Variants in TMEM164 observed in about 807,000 individuals in gnomAD.
The protein encoded by TMEM164 is transmembrane protein 164.
Under a neutral mutation model 18.8 loss-of-function variants are expected in TMEM164, and 4 were observed. That is an observed-to-expected ratio of 0.21 (90% CI 0.10 to 0.49). The LOEUF is 0.49. Among genes scored for constraint, TMEM164 ranks in the 20% least tolerant of loss-of-function variants. TMEM164 has a pLI of 0.98. For missense variants in TMEM164, 108 were observed against 239.9 expected, an observed-to-expected ratio of 0.45 and a Z score of 3.63; for synonymous variants, 86 against 101.7, an observed-to-expected ratio of 0.85 and a Z score of 0.93.
chrX:110,183,349 A>G (rs2067330313), downstream of TMEM164, among the ~76,000 whole-genome samples: 2 of 112,640 alleles, frequency 1.8e-5, no homozygotes, highest in South Asian at 7.3e-4. Flanking sequence ...TTCAGAGCTA[A>G]AGAGAGATAG....
rs752757692 is a variant in TMEM164 at position 110,042,983 on chromosome X, A to C, written c.391-24364A>C. On this transcript the variant is annotated intron_variant, in intron 2 of 6. Coordinates refer to ENST00000372068, the MANE Select transcript of TMEM164 (RefSeq NM_032227.4). ...TGTATTCTCAATTAGGGGTCTTCAG[A>C]TGTTAACAATGGTGTGTGGTAAATG... Among the ~76,000 whole-genome samples, 8 of 112,625 alleles carry C rather than the reference A, an allele frequency of 7.1e-5. No individual in the cohort carries two copies. The South Asian group carries it at 2.9e-3, about 41-fold the overall frequency.
chrX:110,182,162 G>T (rs2067326286), downstream of TMEM164: 1 of 111,566 alleles, frequency 9.0e-6, no homozygotes, highest in Non-Finnish European at 1.9e-5. Context: ...TAGAGTCAAT[G>T]AAATACTGTA....
chrX:110,108,328 C>G (rs1027913058), intron 3 of TMEM164, among the ~76,000 whole-genome samples: 1 of 110,788 alleles, frequency 9.0e-6, no homozygotes, highest in Non-Finnish European at 1.9e-5. Context: ...CCCTCACAAG[C>G]AGGGTTTGTT....
chrX:110,060,266 G>GAAAAAAAAAAAAAA (rs140796343), intron 2 of TMEM164, among the ~76,000 whole-genome samples: 34 of 51,333 alleles, frequency 6.6e-4, no homozygotes, highest in Non-Finnish European at 9.7e-4. Flanking sequence ...GACCCTGTCT[G>GAAAAAAAAAAAAAA]AAAAAAAAAA....
chrX:110,047,386 A>G (rs1935359474), intron 2 of TMEM164, among the ~76,000 whole-genome samples: 1 of 112,413 alleles, frequency 8.9e-6, no homozygotes, highest in South Asian at 3.7e-4. Context: ...TGTTTAAGTT[A>G]CAGACTTGGC....
At chrX:110,077,805 G>T (rs2065694561) in intron 3 of TMEM164, among the ~76,000 whole-genome samples, 1 of 112,187 alleles carries the variant, frequency 8.9e-6, no homozygotes, top group South Asian at 3.6e-4. Flanking sequence ...TGGCTTGAAA[G>T]GATTCTGCTG....
chrX:110,055,325 C>A, intron 2 of TMEM164: 1 of 383,917 alleles, frequency 2.6e-6, no homozygotes, highest in Middle Eastern at 5.7e-4. Context: ...CAAGCAGGGC[C>A]GCCACGAATG....
intron 5 of TMEM164, among the ~76,000 whole-genome samples, chrX:110,147,889 A>G (rs1354920229): frequency 9.2e-6 from 1 of 108,585 alleles, no homozygotes; most frequent in Admixed American, 9.9e-5. Flanking sequence ...TTTGACCCAA[A>G]TCTCCACTCC....
At chrX:110,136,525 G>C (rs1201683030) in intron 4 of TMEM164, among the ~76,000 whole-genome samples, 1 of 111,662 alleles carries the variant, frequency 9.0e-6, no homozygotes, top group Non-Finnish European at 1.9e-5. Flanking sequence ...GTAGTCTAGG[G>C]CTGAGCTGAG....
chrX:110,168,410 A>G (rs1162008127), intron 5 of TMEM164, among the ~76,000 whole-genome samples: 1 of 112,452 alleles, frequency 8.9e-6, no homozygotes, highest in Non-Finnish European at 1.9e-5. Flanking sequence ...AGACAATCCA[A>G]CTTGTGTGCT....
Position 110,166,298 on chromosome X carries a change from A to C in TMEM164, c.587-5122A>C, listed in dbSNP as rs748589913. On this transcript the variant is annotated intron_variant, in intron 5 of 6. Transcript: ENST00000372068. ...TTTTCCTCAGTGTCCCTGTTACTTAATGCACTTACCTAACTACACCATTGC... is the reference window on the plus strand; with the variant it reads ...TTTTCCTCAGTGTCCCTGTTACTTACTGCACTTACCTAACTACACCATTGC... 6.8e-4 allele frequency among the ~76,000 whole-genome samples: 77 copies of C among 112,437 alleles called. 2 individuals are homozygous for C. Among genetic ancestry groups the C allele is most frequent in the Non-Finnish European group, 4.7e-4 (25 of 53,307 alleles).
At chrX:110,161,289 A>T (rs1348054603) in intron 5 of TMEM164, among the ~76,000 whole-genome samples, 1 of 111,593 alleles carries the variant, frequency 9.0e-6, no homozygotes, top group Non-Finnish European at 1.9e-5. Flanking sequence ...CCTCCATACC[A>T]TTGAGCCCAT....
intron 3 of TMEM164, among the ~76,000 whole-genome samples, chrX:110,087,668 G>A (rs1490913752): frequency 1.8e-5 from 2 of 110,697 alleles, no homozygotes; most frequent in Non-Finnish European, 3.8e-5. Flanking sequence ...CCCTCACCCC[G>A]CCTTGGGTAA....
intron 4 of TMEM164, among the ~76,000 whole-genome samples, chrX:110,128,018 C>T (rs946803063): frequency 3.6e-5 from 4 of 112,477 alleles, no homozygotes; most frequent in African/African-American, 6.5e-5. Context: ...TTCAGACTGG[C>T]ATGGATGCAA....
At chrX:110,047,151 A>C (rs1224513384) in intron 2 of TMEM164, among the ~76,000 whole-genome samples, 1 of 111,778 alleles carries the variant, frequency 8.9e-6, no homozygotes, top group Non-Finnish European at 1.9e-5. Context: ...TCTTTCACTC[A>C]CTATTTGTAG....
intron 5 of TMEM164, among the ~76,000 whole-genome samples, chrX:110,151,655 T>C (rs1014082282): frequency 9.0e-6 from 1 of 111,081 alleles, no homozygotes; most frequent in Non-Finnish European, 1.9e-5. Context: ...GTGGTGCGCA[T>C]GCCCGTATTC....
At chrX:110,013,402 G>A (rs375528769) in intron 2 of TMEM164, among the ~76,000 whole-genome samples, 1 of 112,179 alleles carries the variant, frequency 8.9e-6, no homozygotes, top group Non-Finnish European at 1.9e-5. Flanking sequence ...TGGTAGTCAG[G>A]TGTTCTCTTC....
intron 2 of TMEM164, among the ~76,000 whole-genome samples, chrX:110,007,517 G>GCCCA: frequency 8.9e-6 from 1 of 112,257 alleles, no homozygotes; most frequent in Non-Finnish European, 1.9e-5. Context: ...ATTTTGGCAG[G>GCCCA]TATGGGTGAC....
At chrX:110,059,810 G>T (rs776340302) in intron 2 of TMEM164, among the ~76,000 whole-genome samples, 1 of 111,436 alleles carries the variant, frequency 9.0e-6, no homozygotes, top group Non-Finnish European at 1.9e-5. Flanking sequence ...TCTTCTTCCA[G>T]TGTGGCTCAG....
Sources: allele counts gnomAD v4.1 joint callset (sites outside exome capture counted in the v4.1 genomes callset), GRCh38; gene constraint gnomAD v4.1.1; transcripts MANE v1.5; gene names NCBI Gene and HGNC (gene_info 2026-07-23, HGNC 2026-07-21).